ADAM2: variants seen among roughly 807,000 people sequenced by gnomAD.
The protein encoded by ADAM2 is disintegrin and metalloproteinase domain-containing protein 2.
A neutral mutation model predicts 99.3 loss-of-function variants in ADAM2; 101 were observed. The observed-to-expected ratio is 1.02, with a 90% CI of 0.87 to 1.20. ADAM2 has a LOEUF of 1.20. Among genes scored for constraint, ADAM2 ranks in the 50% most tolerant of loss-of-function variants. The probability of loss-of-function intolerance (pLI) is 0.00; values close to 1 mark genes in which losing one functional copy is unlikely to be tolerated. For synonymous variants in ADAM2, 323 were observed against 287.6 expected, an observed-to-expected ratio of 1.12 and a Z score of -1.25; for missense variants, 948 against 878.7, an observed-to-expected ratio of 1.08 and a Z score of -1.00.
chr8:39,835,818 GTTTGT>G (rs1805801119), intron 2 of ADAM2, among the ~76,000 whole-genome samples: 1 of 151,706 alleles, frequency 6.6e-6, no homozygotes, highest in African/African-American at 2.4e-5. Flanking sequence ...TAATAGCCTA[GTTTGT>G]TTTAAAAATA....
intron 6 of ADAM2, among the ~76,000 whole-genome samples, chr8:39,810,639 A>G (rs1440473845): frequency 6.6e-6 from 1 of 152,182 alleles, no homozygotes; most frequent in Admixed American, 6.5e-5. Flanking sequence ...CTCACTCAAA[A>G]CCACTCAACT....
chr8:39,746,744 A>G (rs1823482820), intron 18 of ADAM2, 113 bp from the exon 19 acceptor site: 3 of 811,210 alleles, frequency 3.7e-6, no homozygotes, highest in Non-Finnish European at 5.6e-6. Flanking sequence ...TTAATAATTT[A>G]AAAATTAACA....
At chr8:39,766,125 G>A (rs1364433224) in intron 14 of ADAM2, among the ~76,000 whole-genome samples, 2 of 152,092 alleles carry the variant, frequency 1.3e-5, no homozygotes, top group Non-Finnish European at 2.9e-5. Context: ...GTTTCCACAG[G>A]TGATTTTATG....
intron 7 of ADAM2, among the ~76,000 whole-genome samples, chr8:39,788,986 T>C (rs1803590476): frequency 6.6e-6 from 1 of 151,588 alleles, no homozygotes; most frequent in South Asian, 2.1e-4. Flanking sequence ...TATAAAAAGG[T>C]ATAATTCTAC....
At chr8:39,802,460 G>A (rs1804259140) in intron 7 of ADAM2, among the ~76,000 whole-genome samples, 1 of 152,122 alleles carries the variant, frequency 6.6e-6, no homozygotes, top group South Asian at 2.1e-4. Context: ...TTCTAGCTCT[G>A]TTCATTGTTT....
intron 7 of ADAM2, among the ~76,000 whole-genome samples, chr8:39,793,413 C>T (rs1035456627): frequency 6.6e-6 from 1 of 152,034 alleles, no homozygotes; most frequent in Non-Finnish European, 1.5e-5. Context: ...CAAAGGGACA[C>T]CTTGGCTACT....
At chr8:39,769,366 G>A (rs1322956972) in intron 12 of ADAM2, 26 bp downstream of exon 12, 1 of 1,565,516 alleles carries the variant, frequency 6.4e-7, no homozygotes, top group African/African-American at 1.4e-5. Flanking sequence ...CAATTTCAGT[G>A]CGTAGTCTTC....
intron 7 of ADAM2, among the ~76,000 whole-genome samples, chr8:39,804,648 T>G (rs1804362202): frequency 6.6e-6 from 1 of 151,856 alleles, no homozygotes; most frequent in Admixed American, 6.6e-5. Context: ...GTAAAGACAC[T>G]GGAAGAAATA....
At chr8:39,778,659 G>A (rs1267682359) in intron 10 of ADAM2, among the ~76,000 whole-genome samples, 1 of 151,838 alleles carries the variant, frequency 6.6e-6, no homozygotes, top group East Asian at 1.9e-4. Flanking sequence ...GACAGTGTTA[G>A]GAAGAAGAAG....
chr8:39,797,057 A>C (rs1199801609), intron 7 of ADAM2, among the ~76,000 whole-genome samples: 1 of 151,882 alleles, frequency 6.6e-6, no homozygotes, highest in Non-Finnish European at 1.5e-5. Context: ...GTTTATTTAG[A>C]TCCTATTTGT....
At chr8:39,757,503 T>C (rs1802194888) in intron 15 of ADAM2, among the ~76,000 whole-genome samples, 1 of 152,170 alleles carries the variant, frequency 6.6e-6, no homozygotes. Context: ...TGTCAGTTAG[T>C]TGACTGGAAA....
chr8:39,774,551 A>T (rs1034298540), intron 11 of ADAM2: 1 of 152,062 alleles, frequency 6.6e-6, no homozygotes, highest in African/African-American at 2.4e-5. Flanking sequence ...ACATGGTGCA[A>T]TTAGAAAAAC....
intron 12 of ADAM2, 62 bp downstream of exon 12, chr8:39,769,330 C>A (rs1301847290): frequency 7.5e-7 from 1 of 1,336,546 alleles, no homozygotes; most frequent in African/African-American, 1.5e-5. Flanking sequence ...CAGTTTCTCA[C>A]TCGAATTAAT....
chr8:39,817,756 TA>T (rs766350573), intron 6 of ADAM2: 38 of 151,938 alleles, frequency 2.5e-4, no homozygotes, highest in Non-Finnish European at 5.3e-4. Context: ...TTTAAATTAA[TA>T]AAATCAGAAA....
chr8:39,780,824 G>C (rs1349544938), intron 10 of ADAM2, among the ~76,000 whole-genome samples: 1 of 151,622 alleles, frequency 6.6e-6, no homozygotes, highest in Non-Finnish European at 1.5e-5. Flanking sequence ...GTTATTTTTT[G>C]GTCTTTCTCT....
chr8:39,780,588 A>G (rs1241946242), intron 10 of ADAM2, among the ~76,000 whole-genome samples: 2 of 152,172 alleles, frequency 1.3e-5, no homozygotes, highest in Non-Finnish European at 1.5e-5. Flanking sequence ...TATCATTGAA[A>G]GAACACTTAA....
At chr8:39,798,553 T>A (rs1804068450) in intron 7 of ADAM2, among the ~76,000 whole-genome samples, 1 of 152,224 alleles carries the variant, frequency 6.6e-6, no homozygotes, top group Admixed American at 6.5e-5. Context: ...GCTGGCTTCA[T>A]CAAATGACTT....
At chr8:39,765,002 G>A (rs1035486929) in intron 14 of ADAM2, among the ~76,000 whole-genome samples, 2 of 151,290 alleles carry the variant, frequency 1.3e-5, no homozygotes, top group Admixed American at 6.6e-5. Flanking sequence ...CAGCCTGAGC[G>A]ACAGAGCAAG....
chr8:39,749,064 T>C (rs182524527), intron 18 of ADAM2, among the ~76,000 whole-genome samples: 66 of 152,224 alleles, frequency 4.3e-4, no homozygotes, highest in Non-Finnish European at 7.1e-4. Context: ...GTTCTTTCTG[T>C]TTGAAAGACT....
Sources: allele counts gnomAD v4.1 joint callset (sites outside exome capture counted in the v4.1 genomes callset), GRCh38; gene constraint gnomAD v4.1.1; transcripts MANE v1.5; gene names NCBI Gene and HGNC (gene_info 2026-07-23, HGNC 2026-07-21).